FGF14: variants seen among roughly 807,000 people sequenced by gnomAD.
FGF14 encodes fibroblast growth factor 14, also known as fibroblast growth factor homologous factor 4.
A neutral mutation model predicts 25.5 loss-of-function variants in FGF14; 5 were observed. That is an observed-to-expected ratio of 0.20 (90% CI 0.10 to 0.41). FGF14 has a LOEUF of 0.41. Among genes scored for constraint, FGF14 ranks in the 10% least tolerant of loss-of-function variants. FGF14 has a pLI of 1.00. For missense variants in FGF14, 222 were observed against 320.1 expected, an observed-to-expected ratio of 0.69 and a Z score of 2.34; for synonymous variants, 138 against 118.3, an observed-to-expected ratio of 1.17 and a Z score of -1.08.
chr13:102,205,772 A>C (rs2049880622), intron 1 of FGF14, among the ~76,000 whole-genome samples: 2 of 151,238 alleles, frequency 1.3e-5, no homozygotes, highest in Admixed American at 1.3e-4. Context: ...AACTGTTTAA[A>C]CTTCCCTCAT....
At chr13:102,327,140 C>CTACCAAGTAATGGT (rs1401410805) in intron 1 of FGF14, among the ~76,000 whole-genome samples, 8 of 152,194 alleles carry the variant, frequency 5.3e-5, no homozygotes, top group Non-Finnish European at 1.2e-4. Flanking sequence ...GGTCTACCAG[C>CTACCAAGTAATGGT]CTACCTGGTG....
Position 101,946,402 on chromosome 13 carries a change from C to T in FGF14, c.209-71106G>A, listed in dbSNP as rs1404295467. Among the ~76,000 whole-genome samples the T allele has an allele frequency of 2.0e-5, 3 of 150,626 alleles. No individual in the cohort carries two copies. The South Asian group carries it at 6.3e-4, about 32-fold the overall frequency. On this transcript the variant is annotated intron_variant, in intron 1 of 4. Transcript: ENST00000376131. The stretch of plus-strand genomic sequence containing the variant: ...AAAAAAAAGAGGCTGAGTCCCAAGT[C>T]CCCCTCTAGCAGTTTGGATGTTTTT...
chr13:102,332,566 T>C (rs2056665799), intron 1 of FGF14, among the ~76,000 whole-genome samples: 3 of 151,736 alleles, frequency 2.0e-5, no homozygotes, highest in Admixed American at 1.3e-4. Flanking sequence ...CTGCAACCCA[T>C]GATTTCTCCA....
At chr13:102,161,442 A>G (rs2047619939) in intron 1 of FGF14, among the ~76,000 whole-genome samples, 2 of 152,036 alleles carry the variant, frequency 1.3e-5, no homozygotes, top group South Asian at 4.2e-4. Flanking sequence ...AAAACAGAAA[A>G]TATTTCTTTC....
At chr13:101,910,378 G>A (rs1566419775) in intron 1 of FGF14, among the ~76,000 whole-genome samples, 1 of 152,046 alleles carries the variant, frequency 6.6e-6, no homozygotes, top group African/African-American at 2.4e-5. Flanking sequence ...GACAAATGTG[G>A]TATGTTTCAT....
At chr13:102,303,359 ATTG>A (rs542290473) in intron 1 of FGF14, among the ~76,000 whole-genome samples, 87 of 152,262 alleles carry the variant, frequency 5.7e-4, no homozygotes, top group Non-Finnish European at 1.1e-3. Flanking sequence ...AACACTTTGT[ATTG>A]TTGTGCTTAC....
chr13:101,740,056 C>G (rs1206764368), intron 3 of FGF14, among the ~76,000 whole-genome samples: 1 of 152,194 alleles, frequency 6.6e-6, no homozygotes, highest in Non-Finnish European at 1.5e-5. Context: ...AAACCCCTGT[C>G]ACGTATCCCC....
chr13:101,754,241 G>A (rs1408827830), intron 3 of FGF14, among the ~76,000 whole-genome samples: 1 of 152,152 alleles, frequency 6.6e-6, no homozygotes, highest in African/African-American at 2.4e-5. Context: ...AGTGCAGATG[G>A]TATGGACAAA....
At chr13:102,080,768 T>C (rs910405573) in intron 1 of FGF14, among the ~76,000 whole-genome samples, 7 of 152,248 alleles carry the variant, frequency 4.6e-5, no homozygotes, top group Non-Finnish European at 1.0e-4. Context: ...GAGTTCATCA[T>C]GTTCTGTGGG....
chr13:102,163,667 A>C (rs2140619667), intron 1 of FGF14, among the ~76,000 whole-genome samples: 1 of 152,212 alleles, frequency 6.6e-6, no homozygotes, highest in South Asian at 2.1e-4. Context: ...CTGGCTGCAA[A>C]GGCAATTGAG....
chr13:101,735,758 G>A (rs919721728), intron 3 of FGF14, among the ~76,000 whole-genome samples: 1 of 151,994 alleles, frequency 6.6e-6, no homozygotes, highest in African/African-American at 2.4e-5. Context: ...GGTGGCATGA[G>A]TAAAAATTGA....
chr13:101,991,910 C>T (rs2038931400), intron 1 of FGF14, among the ~76,000 whole-genome samples: 4 of 151,896 alleles, frequency 2.6e-5, no homozygotes, highest in Admixed American at 2.6e-4. Context: ...GACAAAGTGA[C>T]CTTTTTGAAA....
At chr13:101,843,896 C>A (rs1364063696) in intron 3 of FGF14, among the ~76,000 whole-genome samples, 1 of 151,918 alleles carries the variant, frequency 6.6e-6, no homozygotes, top group South Asian at 2.1e-4. Flanking sequence ...ACAAATAGAA[C>A]AAATACTGTT....
chr13:102,186,750 T>C (rs2048892428), intron 1 of FGF14, among the ~76,000 whole-genome samples: 1 of 152,214 alleles, frequency 6.6e-6, no homozygotes, highest in Non-Finnish European at 1.5e-5. Flanking sequence ...GTTACATGTT[T>C]AGTGCACACA....
intron 3 of FGF14, among the ~76,000 whole-genome samples, chr13:101,799,402 G>T (rs930854087): frequency 1.3e-5 from 2 of 152,008 alleles, no homozygotes; most frequent in African/African-American, 4.8e-5. Flanking sequence ...TGTTCTCTTG[G>T]TAAGCAGAGG....
chr13:101,825,644 T>A (rs2042361375), intron 3 of FGF14, among the ~76,000 whole-genome samples: 1 of 152,150 alleles, frequency 6.6e-6, no homozygotes, highest in South Asian at 2.1e-4. Context: ...GATTTTGAGG[T>A]GTAAATATCA....
intron 1 of FGF14, among the ~76,000 whole-genome samples, chr13:102,302,759 G>A (rs2055138828): frequency 1.3e-5 from 2 of 152,070 alleles, no homozygotes; most frequent in East Asian, 1.9e-4. Flanking sequence ...TCCAGCATAT[G>A]TCCAGAATCT....
intron 1 of FGF14, among the ~76,000 whole-genome samples, chr13:101,893,367 T>G (rs988493916): frequency 1.2e-4 from 19 of 152,156 alleles, no homozygotes; most frequent in Non-Finnish European, 4.4e-5. Flanking sequence ...TTAACCATGA[T>G]GTATTGTGAT....
rs183917261 is a variant in FGF14, at chr13:102,115,843, G to A, written c.209-240547C>T. Among the ~76,000 whole-genome samples the A allele has an allele frequency of 8.1e-4, 123 of 152,208 alleles. 2 individuals are homozygous for A. The highest frequency in any genetic ancestry group is 7.9e-3 in the Admixed American group (121 of 15,288). ...GTAGAAAAAAACAGCAGGGTGTGGC[G>A]GCTCATGCCTGTAATCTCAGCACTT... On this transcript the variant is annotated intron_variant, in intron 1 of 4. Coordinates refer to the FGF14 transcript ENST00000376131.
Sources: allele counts gnomAD v4.1 joint callset (sites outside exome capture counted in the v4.1 genomes callset), GRCh38; gene constraint gnomAD v4.1.1; transcripts MANE v1.5; gene names NCBI Gene and HGNC (gene_info 2026-07-23, HGNC 2026-07-21).